The following POLD4 variants were observed in gnomAD, a reference collection of about 807,000 sequenced individuals.
POLD4 encodes the protein DNA polymerase delta 4, accessory subunit.
In POLD4, 9 loss-of-function variants were observed where a neutral mutation model predicts 16.5. That is an observed-to-expected ratio of 0.55 (90% CI 0.33 to 0.95). The LOEUF (loss-of-function observed/expected upper bound fraction) is 0.95. POLD4 is among the 40% of genes least tolerant of loss of function. POLD4 has a pLI of 0.03. For missense variants in POLD4, 129 were observed against 139.7 expected, an observed-to-expected ratio of 0.92 and a Z score of 0.39; for synonymous variants, 62 against 57.6, an observed-to-expected ratio of 1.08 and a Z score of -0.35.
intron 2 of POLD4, 34 bp from the exon 3 acceptor site, chr11:67,352,836 T>C (rs746044763): frequency 6.8e-7 from 1 of 1,460,954 alleles, no homozygotes; most frequent in South Asian, 1.2e-5. Flanking sequence ...TGGAGACTTG[T>C]GGGGGGTGGG....
chr11:67,352,879 G>T, intron 2 of POLD4, 77 bp from the exon 3 acceptor site: 1 of 1,371,752 alleles, frequency 7.3e-7, no homozygotes, highest in East Asian at 2.4e-5. Context: ...TGTGTGTTGG[G>T]GGGAGACAGT....
At chr11:67,352,638 G>T in intron 3 of POLD4, 53 bp downstream of exon 3, 1 of 1,398,104 alleles carries the variant, frequency 7.2e-7, no homozygotes, top group Non-Finnish European at 1.0e-6. Context: ...CAGGGTGACA[G>T]TGCCTGGAGA....
intron 2 of POLD4, 31 bp downstream of exon 2, chr11:67,352,957 G>T (rs766060175): frequency 2.0e-6 from 3 of 1,517,500 alleles, no homozygotes; most frequent in South Asian, 2.5e-5. Context: ...GGCTGGGAGA[G>T]GCGCCTCCGT....
In POLD4 at chr11:67,352,713, C is replaced by T. The variant is rs956837296; in HGVS notation, c.277G>A (p.Gly93Arg). The T allele has an allele frequency of 7.4e-6, 12 of 1,612,692 alleles. No individual in the cohort carries two copies. The East Asian group carries it at 1.1e-4, about 15-fold the overall frequency. ...EVWQVLKTHP[G>R]DPRFQCSLWH... The stretch of plus-strand genomic sequence containing the variant: ...GACCTGCACTGGAAGCGGGGGTCTC[C>T]GGGGTGGGTCTTCAGCACCTGCCAC... Residue 93 changes from glycine (G) to arginine (R), a missense_variant, in exon 3 of 4, where the codon GGA (glycine) becomes AGA (arginine). Coordinates refer to ENST00000312419, the MANE Select transcript of POLD4 (RefSeq NM_021173.5).
At chr11:67,353,134 T>A (rs1156520141) in intron 1 of POLD4, 57 bp from the exon 2 acceptor site, 24 of 1,521,656 alleles carry the variant, frequency 1.6e-5, no homozygotes. Context: ...GCCCCTCACC[T>A]CCCAGCCTTC....
rs1376261891 is a variant in POLD4, at chr11:67,350,775, ATTTTGTATTTT to A, written c.*1209_*1219del. ...GCGTGAGCCACTGCGCCCAGCCTTTATTTTGTATTTTTTTATTTTTTGAGACGGGGTCTCTC... is the reference window on the plus strand; with the variant it reads ...GCGTGAGCCACTGCGCCCAGCCTTTATTTATTTTTTGAGACGGGGTCTCTC... On this transcript the variant is annotated 3_prime_UTR_variant, in exon 4 of 4. Transcript: ENST00000312419. 7.0e-6 allele frequency: 1 copy of A among 143,604 alleles called. No individual in the cohort carries two copies. Among genetic ancestry groups the A allele is most frequent in the Non-Finnish European group, 1.5e-5 (1 of 65,972 alleles). 8.9% of individuals were successfully genotyped at this position (143,604 alleles called of 1,614,324 possible).
At position 67,353,319 on chromosome 11, in the gene POLD4, C is replaced by T; in HGVS notation, c.81G>A (p.Glu27=). 1.2e-6 allele frequency: 2 copies of T among 1,612,060 alleles called. No individual in the cohort carries two copies. The highest frequency in any genetic ancestry group is 1.7e-6 in the Non-Finnish European group (2 of 1,179,892). Residue 27 remains glutamate (E), a synonymous_variant, in exon 1 of 4, where the codon GAG becomes GAA. Coordinates refer to ENST00000312419, the MANE Select transcript of POLD4 (RefSeq NM_021173.5). ...CTCAGAGACCTAGCTCGGGTGCCAG[C>T]TCCCCCTTGCTGTGCCCAGCGGGCC... The part of the protein sequence containing the change: ...REGPAGHSKG[E]LAPELGEEPQ...
In POLD4 at chr11:67,351,735, A is replaced by G. The variant is rs558632895; in HGVS notation, c.*260T>C. 2.1e-6 allele frequency: 1 copy of G among 472,394 alleles called. No individual in the cohort carries two copies. Among genetic ancestry groups the G allele is most frequent in the African/African-American group, 2.0e-5 (1 of 50,798 alleles). The allele number at this position is 472,394 out of a possible 1,614,324, so 29.3% of individuals were successfully genotyped here. A position where few individuals can be genotyped will look rare whatever the true frequency, so the allele number is the denominator to read the frequency against. On this transcript the variant is annotated 3_prime_UTR_variant, in exon 4 of 4. Coordinates refer to ENST00000312419, the MANE Select transcript of POLD4 (RefSeq NM_021173.5). This position sits in a 1 kb window ranked among gnomAD's most constrained non-coding sequence, Gnocchi z 4.8. ...AGGGAGACAGGCAGCAGGTATTGGA[A>G]GGTGATGGCCAGGTCCTTTTCCCCA...
rs970742604 is a variant in POLD4 at position 67,352,787 on chromosome 11, T to C, written c.203A>G (p.Gln68Arg). The C allele has an allele frequency of 6.2e-7, 1 of 1,607,504 alleles. No individual in the cohort carries two copies. The highest frequency in any genetic ancestry group is 1.3e-5 in the African/African-American group (1 of 74,478). The change falls in exon 3 of 4, where the codon CAG becomes CGG. Residue 68 changes from glutamine to arginine, a missense_variant. Coordinates refer to ENST00000312419, the MANE Select transcript of POLD4 (RefSeq NM_021173.5). ...YGPCTGITRL[Q>R]RWCRAKQMGL... ...CATCTGCTTGGCCCGACACCAGCGCTGCAGCCGTGTGATCCCTGCCAGGGT... is the reference window on the plus strand; with the variant it reads ...CATCTGCTTGGCCCGACACCAGCGCCGCAGCCGTGTGATCCCTGCCAGGGT...
rs1463480240 is a variant in POLD4, at chr11:67,351,929, G to A, written c.*66C>T. On this transcript the variant is annotated 3_prime_UTR_variant, in exon 4 of 4. Transcript: ENST00000312419. This position sits in a 1 kb window ranked among gnomAD's most constrained non-coding sequence, Gnocchi z 4.8. Reference sequence around the variant, plus strand: ...AGCTGAGCAGGAGCAATGGGCTCTCGCTTCTGTCCTGAGGTTCTTGGGTGG... The same window carrying A: ...AGCTGAGCAGGAGCAATGGGCTCTCACTTCTGTCCTGAGGTTCTTGGGTGG... The A allele has an allele frequency of 9.3e-6, 14 of 1,501,792 alleles. No individual in the cohort carries two copies. The highest frequency in any genetic ancestry group is 7.3e-5 in the East Asian group (3 of 41,292). The allele number at this position is 1,501,792 out of a possible 1,614,324, so 93.0% of individuals were successfully genotyped here.
At chr11:67,353,254 C>T (rs768518371) in intron 1 of POLD4, 49 bp downstream of exon 1, 4 of 1,579,188 alleles carry the variant, frequency 2.5e-6, no homozygotes, top group Non-Finnish European at 3.5e-6. Context: ...GGGGCCTCCT[C>T]TAGGCCCCTC....
In POLD4 at chr11:67,353,301, A is replaced by G; in HGVS notation, c.97+2T>C. The G allele has an allele frequency of 1.2e-6, 2 of 1,610,386 alleles. No individual in the cohort carries two copies. The highest frequency in any genetic ancestry group is 1.7e-6 in the Non-Finnish European group (2 of 1,179,264). On this transcript the variant is annotated splice_donor_variant, in intron 1 of 3. Transcript: ENST00000312419. LOFTEE classifies it high-confidence loss of function. ...CTCCTGCCTCCCTCACACCTCAGAG[A>G]CCTAGCTCGGGTGCCAGCTCCCCCT...
chr11:67,352,187 G>A (rs995189977), intron 3 of POLD4, 168 bp from the exon 4 acceptor site: 10 of 600,946 alleles, frequency 1.7e-5, no homozygotes, highest in Non-Finnish European at 3.0e-5. Flanking sequence ...GGTCCTGGGT[G>A]TACCTTTGCC....
At position 67,352,754 on chromosome 11, in the gene POLD4, T is replaced by C. The variant is rs774791582; in HGVS notation, c.236A>G (p.Glu79Gly). Reference sequence around the variant, plus strand: ...CACCTGCCACACCTCTGGGGGAGGCTCCAAGCCCATCTGCTTGGCCCGACA... The same window carrying C: ...CACCTGCCACACCTCTGGGGGAGGCCCCAAGCCCATCTGCTTGGCCCGACA... ...RWCRAKQMGLEPPPEVWQVLK... is the reference protein window; with the variant it reads ...RWCRAKQMGLGPPPEVWQVLK... Residue 79 changes from glutamate to glycine, a missense_variant, in exon 3 of 4, where the codon GAG becomes GGG. By Grantham distance (98) the Glu-to-Gly change is moderately conservative. Coordinates refer to ENST00000312419, the MANE Select transcript of POLD4 (RefSeq NM_021173.5). 6.2e-7 allele frequency: 1 copy of C among 1,612,162 alleles called. No homozygotes were observed. The highest frequency in any genetic ancestry group is 1.3e-5 in the African/African-American group (1 of 74,616).
intron 3 of POLD4, 21 bp downstream of exon 3, chr11:67,352,670 C>T (rs1207267570): frequency 1.3e-6 from 2 of 1,597,690 alleles, no homozygotes; most frequent in Non-Finnish European, 1.7e-6. Flanking sequence ...CCCCTGAAAG[C>T]CCTCCCGGCC....
At chr11:67,352,958 G>A (rs1590906165) in intron 2 of POLD4, 30 bp downstream of exon 2, 1 of 1,517,842 alleles carries the variant, frequency 6.6e-7, no homozygotes, top group East Asian at 2.4e-5. Flanking sequence ...GCTGGGAGAG[G>A]CGCCTCCGTG....
chr11:67,352,828 G>GCC, intron 2 of POLD4, 26 bp from the exon 3 acceptor site: 1 of 1,573,844 alleles, frequency 6.4e-7, no homozygotes, highest in South Asian at 1.1e-5. Context: ...GAAGACTCTG[G>GCC]AGACTTGTGG....
At position 67,353,426 on chromosome 11, in the gene POLD4, G is replaced by A; in HGVS notation, c.-27C>T. ...GCGGCCACCCAGGCAGGCAGAGAAGGAGGCAACTGCGGGGAAGAGGAGAGA... is the reference window on the plus strand; with the variant it reads ...GCGGCCACCCAGGCAGGCAGAGAAGAAGGCAACTGCGGGGAAGAGGAGAGA... On this transcript the variant is annotated 5_prime_UTR_variant, in exon 1 of 4. Coordinates refer to ENST00000312419, the MANE Select transcript of POLD4 (RefSeq NM_021173.5). 1 of 1,598,350 alleles carries A rather than the reference G, an allele frequency of 6.3e-7. No individual in the cohort carries two copies. Among genetic ancestry groups the A allele is most frequent in the South Asian group, 1.1e-5 (1 of 90,668 alleles).
At position 67,351,807 on chromosome 11, in the gene POLD4, C is replaced by T. The variant is rs1011924296; in HGVS notation, c.*188G>A. 1 of 611,984 alleles carries T rather than the reference C, an allele frequency of 1.6e-6. No homozygotes were observed. The allele number at this position is 611,984 out of a possible 1,614,324, so 37.9% of individuals were successfully genotyped here. On this transcript the variant is annotated 3_prime_UTR_variant, in exon 4 of 4. Coordinates refer to ENST00000312419, the MANE Select transcript of POLD4 (RefSeq NM_021173.5). This position sits in a 1 kb window ranked among gnomAD's most constrained non-coding sequence, Gnocchi z 4.8. Reference sequence around the variant, plus strand: ...GCACTCTGCTTCAGCTGCGCAGGCTCTTCCGGGGACTCTGGGAGCCTGCTG... The same window carrying T: ...GCACTCTGCTTCAGCTGCGCAGGCTTTTCCGGGGACTCTGGGAGCCTGCTG...
Sources: gnomAD v4.1 joint callset for allele counts on GRCh38, gnomAD v4.1.1 for gene constraint, Gnocchi (gnomAD v3.1) non-coding constraint, MANE v1.5 for transcripts, NCBI Gene and HGNC (gene_info 2026-07-23, HGNC 2026-07-21) for gene names.